Variants in MPV17L observed in about 807,000 individuals in gnomAD.
MPV17L encodes the protein MPV17 mitochondrial inner membrane protein like, also known as mpv17-like protein.
In MPV17L, 24 loss-of-function variants were observed where a neutral mutation model predicts 25.8. The ratio of observed to expected loss-of-function variants is 0.93; its 90% CI spans 0.67 to 1.31. MPV17L has a LOEUF of 1.31. Among genes scored for constraint, MPV17L ranks in the 50% most tolerant of loss-of-function variants. The pLI is 0.00. For missense variants in MPV17L, 250 were observed against 265.6 expected (o/e 0.94, Z 0.41); for synonymous variants, 102 against 115.3 (o/e 0.88, Z 0.74).
intron 2 of MPV17L, among the ~76,000 whole-genome samples, chr16:15,401,476 G>A (rs1164922085): frequency 2.6e-5 from 4 of 152,068 alleles, no homozygotes; most frequent in Admixed American, 6.6e-5. Flanking sequence ...TTTGATAGAT[G>A]TATGAGGAGA....
chr16:15,405,878 A>T (rs1053569887), intron 2 of MPV17L, among the ~76,000 whole-genome samples: 4 of 151,716 alleles, frequency 2.6e-5, no homozygotes, highest in African/African-American at 7.3e-5. Context: ...CGTCTCAAAA[A>T]AAATAAATAA....
Position 15,408,041 on chromosome 16 carries a change from A to C in MPV17L, c.520A>C (p.Thr174Pro). 1 of 1,614,014 alleles carries C rather than the reference A, an allele frequency of 6.2e-7. No homozygotes were observed. Among genetic ancestry groups the C allele is most frequent in the Non-Finnish European group, 8.5e-7 (1 of 1,180,008 alleles). Reference protein sequence around the residue: ...ICFSQQSGDGTFKSAFTILYT... With the variant: ...ICFSQQSGDGPFKSAFTILYT... ...TTTTTCCCAGCAGAGTGGTGACGGC[A>C]CATTCAAGTCAGCTTTCACCATTTT... The change falls in exon 4 of 4, where the codon ACA becomes CCA. Residue 174 changes from threonine to proline, a missense_variant. Thr to Pro is a conservative substitution (Grantham distance 38, BLOSUM62 -1). Coordinates refer to ENST00000396385, the MANE Select transcript of MPV17L (RefSeq NM_001128423.2).
chr16:15,406,671 A>G (rs1400996525), intron 2 of MPV17L, among the ~76,000 whole-genome samples: 1 of 152,180 alleles, frequency 6.6e-6, no homozygotes, highest in Non-Finnish European at 1.5e-5. Context: ...CATGCCTGTA[A>G]TCCTACCACT....
chr16:15,395,987 C>A lies in MPV17L; in HGVS notation c.90C>A (p.Ala30=), dbSNP rs1341409320. Residue 30 remains alanine, a synonymous_variant, in exon 1 of 4, where the codon GCC becomes GCA. Coordinates refer to ENST00000396385, the MANE Select transcript of MPV17L (RefSeq NM_001128423.2). ...NVLLYGSLVS[A]GDALQQRLQG... is the part of the protein sequence containing the mutation. Reference sequence around the variant, plus strand: ...TGCTTTACGGCTCGCTCGTCTCGGCCGGGGACGCGCTGCAACAGCGGCTGC... The same window carrying A: ...TGCTTTACGGCTCGCTCGTCTCGGCAGGGGACGCGCTGCAACAGCGGCTGC... 2.1e-5 allele frequency: 32 copies of A among 1,514,030 alleles called. No individual in the cohort carries two copies. The highest frequency in any genetic ancestry group is 2.8e-5 in the Non-Finnish European group (32 of 1,138,472). 93.8% of individuals were successfully genotyped at this position (1,514,030 alleles called of 1,614,324 possible).
Position 15,408,240 on chromosome 16 carries a change from C to T in MPV17L, c.*128C>T. 1 of 654,064 alleles carries T rather than the reference C, an allele frequency of 1.5e-6. No homozygotes were observed. Among genetic ancestry groups the T allele is most frequent in the Non-Finnish European group, 2.5e-6 (1 of 397,994 alleles). 40.5% of individuals were successfully genotyped at this position (654,064 alleles called of 1,614,324 possible). A position where few individuals can be genotyped will look rare whatever the true frequency, so the allele number is the denominator to read the frequency against. Reference sequence around the variant, plus strand: ...GGAATTACTACTATTTATAGACCCACTTTTTAAAAAATTATCAATGATTAT... The same window carrying T: ...GGAATTACTACTATTTATAGACCCATTTTTTAAAAAATTATCAATGATTAT... On this transcript the variant is annotated 3_prime_UTR_variant, in exon 4 of 4. Coordinates refer to ENST00000396385, the MANE Select transcript of MPV17L (RefSeq NM_001128423.2).
chr16:15,401,050 G>A lies in MPV17L; in HGVS notation c.381+193G>A, dbSNP rs222905. ...TAATCACATCAGGATTTTTTTGTAT[G>A]TGTGTGTGTATATATATATATATAT... On this transcript the variant is annotated intron_variant, in intron 2 of 3. Coordinates refer to ENST00000396385, the MANE Select transcript of MPV17L (RefSeq NM_001128423.2). Among the ~76,000 whole-genome samples, 14,404 of 75,156 alleles carry A rather than the reference G, an allele frequency of 0.19. 1,099 individuals are homozygous for A. The highest frequency in any genetic ancestry group is 0.48 in the East Asian group (1,576 of 3,292). The allele number at this position is 75,156 out of a possible 152,430, so 49.3% of individuals were successfully genotyped here.
chr16:15,399,473 A>T (rs1452877661), intron 1 of MPV17L: 1 of 448,412 alleles, frequency 2.2e-6, no homozygotes, highest in Non-Finnish European at 4.4e-6. Flanking sequence ...TGATGTGATC[A>T]CAGCTCATTG....
chr16:15,408,265 T>C lies in MPV17L; in HGVS notation c.*153T>C, dbSNP rs1252025785. ...CTTTTTAAAAAATTATCAATGATTA[T>C]TTTTGAATTGTATTCAGACTTTTTT... On this transcript the variant is annotated 3_prime_UTR_variant, in exon 4 of 4. Transcript: ENST00000396385. The C allele has an allele frequency of 1.9e-5, 11 of 591,688 alleles. No individual in the cohort carries two copies. Among genetic ancestry groups the C allele is most frequent in the Non-Finnish European group, 3.2e-5 (11 of 343,132 alleles). 36.7% of individuals were successfully genotyped at this position (591,688 alleles called of 1,614,324 possible). A position where few individuals can be genotyped will look rare whatever the true frequency, so the allele number is the denominator to read the frequency against.
intron 2 of MPV17L, among the ~76,000 whole-genome samples, chr16:15,405,814 G>A (rs2050675798): frequency 6.6e-6 from 1 of 151,972 alleles, no homozygotes. Context: ...GGAGGCTGAG[G>A]TGGGCAGATC....
Position 15,395,952 on chromosome 16 carries a change from A to C in MPV17L, c.55A>C (p.Thr19Pro). The change falls in exon 1 of 4, where the codon ACC (threonine) becomes CCC (proline). Residue 19 changes from threonine to proline, a missense_variant. By Grantham distance (38) the Thr-to-Pro change is conservative (BLOSUM62 -1). Transcript: ENST00000396385. ...CGCGGCCCGGCGCCACCCGTGGCCC[A>C]CCAACGTGCTGCTTTACGGCTCGCT... Reference protein sequence around the residue: ...SRAARRHPWPTNVLLYGSLVS... With the variant: ...SRAARRHPWPPNVLLYGSLVS... The C allele has an allele frequency of 6.7e-7, 1 of 1,497,434 alleles. No homozygotes were observed. 92.8% of individuals were successfully genotyped at this position (1,497,434 alleles called of 1,614,324 possible). A position where few individuals can be genotyped will look rare whatever the true frequency, so the allele number is the denominator to read the frequency against.
rs146855497 is a variant in MPV17L, at chr16:15,395,793, C to T, written c.-105C>T. On this transcript the variant is annotated 5_prime_UTR_variant, in exon 1 of 4. Transcript: ENST00000396385. ...TTCTGGAGGGGGCAGATGCAGGTGC[C>T]GGCTGCTGCAGTGCAGTAGCTGCTG... 9.9e-4 allele frequency: 1,049 copies of T among 1,056,902 alleles called. 14 individuals carry two copies. The African/African-American group carries it at 0.015, about 15-fold the overall frequency. 65.5% of individuals were successfully genotyped at this position (1,056,902 alleles called of 1,614,324 possible).
chr16:15,402,923 C>T (rs190390564), intron 2 of MPV17L, among the ~76,000 whole-genome samples: 304 of 152,128 alleles, frequency 2.0e-3, no homozygotes, highest in African/African-American at 6.7e-3. Context: ...TCAGGTGATC[C>T]GCCTCCCTCA....
chr16:15,407,912 C>A (rs200863039), intron 3 of MPV17L, 21 bp from the exon 4 acceptor site: 2 of 1,613,800 alleles, frequency 1.2e-6, no homozygotes, highest in African/African-American at 1.3e-5. Context: ...GTGGCCCTAA[C>A]GGACTCTCTC....
intron 1 of MPV17L, among the ~76,000 whole-genome samples, chr16:15,398,341 G>A (rs551394271): frequency 9.6e-4 from 146 of 152,012 alleles, no homozygotes; most frequent in African/African-American, 3.5e-3. Context: ...TCACACTTGA[G>A]ATTGTTCTTA....
At chr16:15,397,565 G>A (rs1295126841) in intron 1 of MPV17L, among the ~76,000 whole-genome samples, 3 of 152,056 alleles carry the variant, frequency 2.0e-5, no homozygotes, top group Non-Finnish European at 4.4e-5. Context: ...GGATGGGGTG[G>A]GTAACTGGGG....
Position 15,409,586 on chromosome 16 carries a change from A to T in MPV17L, c.*1474A>T, listed in dbSNP as rs2050714968. On this transcript the variant is annotated 3_prime_UTR_variant, in exon 4 of 4. Transcript: ENST00000396385. Reference sequence around the variant, plus strand: ...CTCCAAACTCCACCACCTATCCCCAAACCTGTAAGAACTAATGATAATCCA... The same window carrying T: ...CTCCAAACTCCACCACCTATCCCCATACCTGTAAGAACTAATGATAATCCA... 1 of 152,096 alleles carries T rather than the reference A, an allele frequency of 6.6e-6. No individual in the cohort carries two copies. The highest frequency in any genetic ancestry group is 6.6e-5 in the Admixed American group (1 of 15,254). 9.4% of individuals were successfully genotyped at this position (152,096 alleles called of 1,614,324 possible).
At chr16:15,404,140 T>G (rs2050661924) in intron 2 of MPV17L, among the ~76,000 whole-genome samples, 1 of 151,986 alleles carries the variant, frequency 6.6e-6, no homozygotes, top group Admixed American at 6.6e-5. Context: ...AGATCTGAAG[T>G]TATGCACATA....
intron 2 of MPV17L, among the ~76,000 whole-genome samples, chr16:15,402,535 CT>C (rs1448211182): frequency 2.0e-5 from 3 of 146,444 alleles, no homozygotes; most frequent in African/African-American, 7.5e-5. Context: ...GAGGCTTCCC[CT>C]GAGCCTCTAT....
At chr16:15,399,596 A>G (rs1368910102) in intron 1 of MPV17L, 1 of 309,330 alleles carries the variant, frequency 3.2e-6, no homozygotes, top group African/African-American at 2.2e-5. Context: ...TTGTAGAGAC[A>G]AGGTCTTGAT....
Sources: allele counts gnomAD v4.1 joint callset (sites outside exome capture counted in the v4.1 genomes callset), GRCh38; gene constraint gnomAD v4.1.1; transcripts MANE v1.5; gene names NCBI Gene and HGNC (gene_info 2026-07-23, HGNC 2026-07-21).